The following ST8SIA5 variants were observed in gnomAD, a reference collection of about 807,000 sequenced individuals.
ST8SIA5 encodes ST8 alpha-N-acetyl-neuraminide alpha-2,8-sialyltransferase 5.
In ST8SIA5, 24 loss-of-function variants were observed where a neutral mutation model predicts 40.2. That is an observed-to-expected ratio of 0.60 (90% CI 0.43 to 0.84). The LOEUF (loss-of-function observed/expected upper bound fraction) is 0.84, where lower values mean the gene tolerates loss of function less well. ST8SIA5 is among the 40% of genes least tolerant of loss of function. The probability of loss-of-function intolerance (pLI) is 0.00; values close to 1 mark genes in which losing one functional copy is unlikely to be tolerated. For missense variants in ST8SIA5, 465 were observed against 498.5 expected (o/e 0.93, Z 0.64); for synonymous variants, 198 against 201.8 (o/e 0.98, Z 0.16).
rs1291664626 is a variant in ST8SIA5 at position 46,677,509 on chromosome 18, A to G, written c.*2533T>C. The G allele has an allele frequency of 1.3e-5, 2 of 152,248 alleles. No individual in the cohort carries two copies. Among genetic ancestry groups the G allele is most frequent in the Non-Finnish European group, 2.9e-5 (2 of 68,046 alleles). 9.4% of individuals were successfully genotyped at this position (152,248 alleles called of 1,614,324 possible). A position where few individuals can be genotyped will look rare whatever the true frequency, so the allele number is the denominator to read the frequency against. On this transcript the variant is annotated 3_prime_UTR_variant, in exon 7 of 7. Coordinates refer to ENST00000315087, the MANE Select transcript of ST8SIA5 (RefSeq NM_013305.6). The stretch of plus-strand genomic sequence containing the variant: ...TAATGAGAAATATTAATTATGGTTT[A>G]GATCCATTCATCATGAATGTCCCCC...
chr18:46,743,815 G>T (rs1208663601), intron 1 of ST8SIA5, among the ~76,000 whole-genome samples: 1 of 152,194 alleles, frequency 6.6e-6, no homozygotes. Flanking sequence ...CAGCCAGAGA[G>T]AAAGGTCGGG....
At chr18:46,731,546 C>G (rs2039984826) in intron 1 of ST8SIA5, 1 of 152,244 alleles carries the variant, frequency 6.6e-6, no homozygotes, top group Non-Finnish European at 1.5e-5. Flanking sequence ...GGATCAGTAG[C>G]CAGAGTGGCT....
chr18:46,691,876 C>A lies in ST8SIA5; in HGVS notation c.311+293G>T, dbSNP rs147477275. Reference sequence around the variant, plus strand: ...GAGACCGCCCACACATGCTTCCCTGCTAATAGCTTCAGTGAACCTCAGCTG... The same window carrying A: ...GAGACCGCCCACACATGCTTCCCTGATAATAGCTTCAGTGAACCTCAGCTG... On this transcript the variant is annotated intron_variant, in intron 3 of 6. Coordinates refer to ENST00000315087, the MANE Select transcript of ST8SIA5 (RefSeq NM_013305.6). The A allele has an allele frequency of 5.7e-4, 241 of 419,974 alleles. 1 individual carries two copies. The highest frequency in any genetic ancestry group is 4.4e-3 in the Admixed American group (125 of 28,294). 26.0% of individuals were successfully genotyped at this position (419,974 alleles called of 1,614,324 possible). A position where few individuals can be genotyped will look rare whatever the true frequency, so the allele number is the denominator to read the frequency against.
intron 1 of ST8SIA5, among the ~76,000 whole-genome samples, chr18:46,738,780 CTGGG>C (rs763271305): frequency 7.2e-5 from 11 of 152,112 alleles, no homozygotes; most frequent in Non-Finnish European, 8.8e-5. Context: ...GCTTTGTCCC[CTGGG>C]TCGGGGGAGA....
intron 1 of ST8SIA5, among the ~76,000 whole-genome samples, chr18:46,754,824 G>C (rs2040226412): frequency 6.6e-6 from 1 of 152,250 alleles, no homozygotes; most frequent in Admixed American, 6.5e-5. Context: ...GGTGCCGGGA[G>C]GGGGCAGGAA....
rs1288208907 is a variant in ST8SIA5, at chr18:46,738,987, C to T, written c.131+17391G>A. Among the ~76,000 whole-genome samples, 3 of 152,200 alleles carry T rather than the reference C, an allele frequency of 2.0e-5. No individual in the cohort carries two copies. In the East Asian group the frequency reaches 5.8e-4, roughly 29 times the overall value. ...GGAAGACAAAGCATAGGAGGGTCCT[C>T]TGTACTTGAGGCAGGACAAAACTCC... is the stretch of plus-strand genomic sequence containing the variant. On this transcript the variant is annotated intron_variant, in intron 1 of 6. Coordinates refer to ENST00000315087, the MANE Select transcript of ST8SIA5 (RefSeq NM_013305.6).
At chr18:46,710,003 G>A (rs2039706871) in intron 1 of ST8SIA5, among the ~76,000 whole-genome samples, 5 of 152,080 alleles carry the variant, frequency 3.3e-5, no homozygotes, top group South Asian at 2.1e-4. Flanking sequence ...AGGTGAGTTC[G>A]TCACTGTCTC....
chr18:46,710,159 G>T (rs988123839), intron 1 of ST8SIA5, among the ~76,000 whole-genome samples: 3 of 152,158 alleles, frequency 2.0e-5, no homozygotes, highest in African/African-American at 7.2e-5. Flanking sequence ...GTTTCCAGCA[G>T]CCAAATATGA....
intron 1 of ST8SIA5, among the ~76,000 whole-genome samples, chr18:46,743,993 C>G (rs528932430): frequency 5.4e-4 from 82 of 152,296 alleles, no homozygotes; most frequent in African/African-American, 1.8e-3. Flanking sequence ...GAAATAAAAT[C>G]TTTTACAGAC....
rs758551027 is a variant in ST8SIA5 at position 46,688,894 on chromosome 18, C to T, written c.337G>A (p.Ala113Thr). The T allele has an allele frequency of 5.6e-6, 9 of 1,613,504 alleles. No individual in the cohort carries two copies. The highest frequency in any genetic ancestry group is 2.2e-5 in the South Asian group (2 of 91,000). ...TGGGTGGTGAAGAGAAAGGCAGGGG[C>T]GTTGCAGCACCTGGACAGAGTAGAC... ...FKSTLSRCCNAPAFLFTTQKN... is the reference protein window; with the variant it reads ...FKSTLSRCCNTPAFLFTTQKN... The change falls in exon 4 of 7, where the codon GCC becomes ACC. Residue 113 changes from alanine to threonine, a missense_variant. Physicochemically the swap from Ala to Thr is moderately conservative, Grantham distance 58. Coordinates refer to ENST00000315087, the MANE Select transcript of ST8SIA5 (RefSeq NM_013305.6).
intron 1 of ST8SIA5, among the ~76,000 whole-genome samples, chr18:46,728,196 A>C (rs1023820074): frequency 6.6e-5 from 10 of 151,584 alleles, no homozygotes; most frequent in Admixed American, 5.9e-4. Context: ...TCCATCTCAA[A>C]AAAAAAAAAA....
At chr18:46,737,952 G>C (rs921702052) in intron 1 of ST8SIA5, among the ~76,000 whole-genome samples, 1 of 152,108 alleles carries the variant, frequency 6.6e-6, no homozygotes, top group South Asian at 2.1e-4. Flanking sequence ...TGTATTTTTA[G>C]TAGAGATAGG....
chr18:46,682,473 G>T (rs2144461384), intron 5 of ST8SIA5, among the ~76,000 whole-genome samples: 1 of 152,350 alleles, frequency 6.6e-6, no homozygotes, highest in Non-Finnish European at 1.5e-5. Context: ...AATGTCCTGT[G>T]GCAGGAGAAG....
At chr18:46,681,506 G>A (rs947251788) in intron 6 of ST8SIA5, among the ~76,000 whole-genome samples, 6 of 152,184 alleles carry the variant, frequency 3.9e-5, no homozygotes, top group Non-Finnish European at 7.3e-5. Context: ...AACCCCAGGA[G>A]GGGAGCCAGG....
intron 2 of ST8SIA5, among the ~76,000 whole-genome samples, chr18:46,702,562 G>A (rs2039629268): frequency 6.6e-6 from 1 of 152,196 alleles, no homozygotes; most frequent in African/African-American, 2.4e-5. Flanking sequence ...CCGGGACACA[G>A]CCAGCTCCCT....
At position 46,676,371 on chromosome 18, in the gene ST8SIA5, C is replaced by G. The variant is rs537944806; in HGVS notation, c.*3671G>C. The G allele has an allele frequency of 6.6e-6, 1 of 152,236 alleles. No individual in the cohort carries two copies. Among genetic ancestry groups the G allele is most frequent in the Non-Finnish European group, 1.5e-5 (1 of 68,062 alleles). The allele number at this position is 152,236 out of a possible 1,614,324, so 9.4% of individuals were successfully genotyped here. On this transcript the variant is annotated 3_prime_UTR_variant, in exon 7 of 7. Transcript: ENST00000315087. ...GACGACGTTTTGTTCATCACTAGCT[C>G]CCCGGCACCTGGCACCATGCCTGGC...
intron 1 of ST8SIA5, among the ~76,000 whole-genome samples, chr18:46,736,530 T>C (rs1364799211): frequency 1.3e-5 from 2 of 152,164 alleles, no homozygotes; most frequent in African/African-American, 4.8e-5. Flanking sequence ...CAGCCTAACA[T>C]GGAAGGAAGA....
intron 1 of ST8SIA5, among the ~76,000 whole-genome samples, chr18:46,729,446 T>C (rs1479722987): frequency 6.6e-6 from 1 of 150,818 alleles, no homozygotes; most frequent in Non-Finnish European, 1.5e-5. Context: ...AGGAGGGTCT[T>C]ACCAGTCCTG....
chr18:46,708,164 C>G (rs367910156), intron 1 of ST8SIA5, among the ~76,000 whole-genome samples: 1 of 152,194 alleles, frequency 6.6e-6, no homozygotes, highest in African/African-American at 2.4e-5. Context: ...CTAAAGAGCA[C>G]GTGATACCAG....
Sources: allele counts gnomAD v4.1 joint callset (sites outside exome capture counted in the v4.1 genomes callset), GRCh38; gene constraint gnomAD v4.1.1; transcripts MANE v1.5; gene names NCBI Gene and HGNC (gene_info 2026-07-23, HGNC 2026-07-21).